OAT: variants seen among roughly 807,000 people sequenced by gnomAD.
OAT encodes ornithine aminotransferase, mitochondrial.
OAT carries 35 observed loss-of-function variants against 48.4 expected under a neutral mutation model. The observed-to-expected ratio is 0.72, with a 90% CI of 0.55 to 0.96. OAT has a LOEUF of 0.96. Ranked by LOEUF, OAT falls within the 40% of genes least tolerant of loss-of-function variation. OAT has a pLI of 0.00. For missense variants in OAT, 438 were observed against 537.9 expected (o/e 0.81, Z 1.84); for synonymous variants, 182 against 198.4 (o/e 0.92, Z 0.70).
At chr10:124,414,633 C>A (rs12252640) in intron 1 of OAT, among the ~76,000 whole-genome samples, 1 of 152,306 alleles carries the variant, frequency 6.6e-6, no homozygotes, top group Admixed American at 6.5e-5. Context: ...ACTGCTAAGT[C>A]TAAAACACTC....
chr10:124,402,963 G>A lies in OAT; in HGVS notation c.864C>T (p.Val288=). Residue 288 remains valine (V), a synonymous_variant, in exon 7 of 10, where the codon GTC becomes GTT. Transcript: ENST00000368845. ...VDYENVRPDI[V]LLGKALSGGL... is the part of the protein sequence containing the mutation. ...CCCCAGAAAGGGCCTTTCCAAGGAG[G>A]ACTATATCAGGTCTGACATTTTCAT... 1.2e-6 allele frequency: 2 copies of A among 1,614,106 alleles called. No homozygotes were observed. Among genetic ancestry groups the A allele is most frequent in the Non-Finnish European group, 1.7e-6 (2 of 1,179,990 alleles).
At chr10:124,416,242 A>G (rs968483616) in intron 1 of OAT, among the ~76,000 whole-genome samples, 1 of 152,152 alleles carries the variant, frequency 6.6e-6, no homozygotes, top group African/African-American at 2.4e-5. Context: ...TTGCATTCCT[A>G]GAACCTAGCC....
chr10:124,403,566 A>G (rs906052759), intron 6 of OAT, among the ~76,000 whole-genome samples: 2 of 152,240 alleles, frequency 1.3e-5, no homozygotes, highest in Non-Finnish European at 2.9e-5. Context: ...AGTTCTGCAC[A>G]GGGCCCAGGA....
chr10:124,402,303 CT>C (rs1416399053), intron 7 of OAT, among the ~76,000 whole-genome samples: 1 of 152,168 alleles, frequency 6.6e-6, no homozygotes, highest in Non-Finnish European at 1.5e-5. Context: ...ATTACAAATA[CT>C]TTAGGTACAC....
At position 124,403,369 on chromosome 10, in the gene OAT, C is replaced by G. The variant is rs2240881; in HGVS notation, c.772-314G>C. ...TCTGGACCTAACTACCCTCTGGGAA[C>G]AAATTAATTCATTTGTTTATTCCAC... On this transcript the variant is annotated intron_variant, in intron 6 of 9. Coordinates refer to ENST00000368845, the MANE Select transcript of OAT (RefSeq NM_000274.4). The G allele has an allele frequency of 0.75, 349,543 of 465,854 alleles. 132,212 individuals carry two copies. The highest frequency in any genetic ancestry group is 0.88 in the East Asian group (20,564 of 23,258). The allele number at this position is 465,854 out of a possible 1,614,324, so 28.9% of individuals were successfully genotyped here.
At chr10:124,408,331 ATATATATATATAT>A (rs1217161289) in intron 4 of OAT, among the ~76,000 whole-genome samples, 198 bp downstream of exon 4, 27 of 92,120 alleles carry the variant, frequency 2.9e-4, no homozygotes, top group African/African-American at 9.4e-4. Flanking sequence ...ATATATATAT[ATATATATATATAT>A]TTTTTTTTTT....
rs1288543386 is a variant in OAT, at chr10:124,408,337, ATATATATT to A, written c.520+197_520+204del. ...TGTGTGTATATATATATATATATAT[ATATATATT>A]TTTTTTTTTTTTTTTTAAATAGAGA... is the stretch of plus-strand genomic sequence containing the variant. On this transcript the variant is annotated intron_variant, in intron 4 of 9. Transcript: ENST00000368845. Among the ~76,000 whole-genome samples, 359 of 103,452 alleles carry A rather than the reference ATATATATT, an allele frequency of 3.5e-3. 1 individual carries two copies. Among genetic ancestry groups the A allele is most frequent in the African/African-American group, 0.01 (309 of 29,632 alleles). The allele number at this position is 103,452 out of a possible 152,430, so 67.9% of individuals were successfully genotyped here.
chr10:124,406,215 G>T, intron 4 of OAT: 2 of 734,674 alleles, frequency 2.7e-6, no homozygotes, highest in Non-Finnish European at 3.3e-6. Context: ...AATAGACCAG[G>T]CACAGTGGCT....
chr10:124,417,348 G>T (rs1262111313), intron 1 of OAT, among the ~76,000 whole-genome samples: 1 of 133,968 alleles, frequency 7.5e-6, no homozygotes, highest in Admixed American at 8.5e-5. Context: ...GCAGTGGCAC[G>T]ATCTCAACTC....
intron 4 of OAT, among the ~76,000 whole-genome samples, chr10:124,406,346 C>T (rs1260473175): frequency 6.6e-6 from 1 of 151,576 alleles, no homozygotes; most frequent in Non-Finnish European, 1.5e-5. Flanking sequence ...CAAAAATTAG[C>T]CAGGCATGGT....
chr10:124,397,666 G>A lies in OAT; in HGVS notation c.*276C>T, dbSNP rs1301802150. 11 of 395,042 alleles carry A rather than the reference G, an allele frequency of 2.8e-5. No individual in the cohort carries two copies. The East Asian group carries it at 5.8e-4, about 21-fold the overall frequency. The allele number at this position is 395,042 out of a possible 1,614,324, so 24.5% of individuals were successfully genotyped here. On this transcript the variant is annotated 3_prime_UTR_variant, in exon 10 of 10. Transcript: ENST00000368845. Reference sequence around the variant, plus strand: ...TACTGAAGGACTTGATTTAGAGGCTGTCTGTATATAGATGCATTTCACCTT... The same window carrying A: ...TACTGAAGGACTTGATTTAGAGGCTATCTGTATATAGATGCATTTCACCTT...
intron 1 of OAT, among the ~76,000 whole-genome samples, chr10:124,414,660 T>C (rs970301611): frequency 7.2e-5 from 11 of 152,226 alleles, no homozygotes; most frequent in Non-Finnish European, 1.5e-4. Context: ...GATTTCTTTC[T>C]TGGACTCTTT....
intron 6 of OAT, 141 bp downstream of exon 6, chr10:124,403,657 G>T: frequency 1.7e-6 from 2 of 1,185,054 alleles, no homozygotes; most frequent in Non-Finnish European, 2.4e-6. Flanking sequence ...GAATGCCATC[G>T]CCCTCTAGTG....
chr10:124,415,211 T>C (rs1951884889), intron 1 of OAT: 1 of 151,270 alleles, frequency 6.6e-6, no homozygotes, highest in Admixed American at 6.6e-5. Context: ...TTCATTTACC[T>C]GTTAAGTTTA....
chr10:124,413,267 TACACACACACACACACACAC>T (rs58272470), intron 1 of OAT, among the ~76,000 whole-genome samples: 2 of 134,578 alleles, frequency 1.5e-5, no homozygotes, highest in Non-Finnish European at 3.2e-5. Context: ...CATAAATACA[TACACACACACACACACACAC>T]ACACACACAC....
intron 5 of OAT, among the ~76,000 whole-genome samples, chr10:124,404,300 C>A (rs1428966341): frequency 6.6e-6 from 1 of 150,378 alleles, no homozygotes; most frequent in Admixed American, 6.6e-5. Context: ...TGGAGTCTCA[C>A]TCTGTCACCC....
In OAT at chr10:124,406,947, G is replaced by A. The variant is rs944709416; in HGVS notation, c.521-1384C>T. ...TGAGCTAGATAATTTCAGAGAGGAT[G>A]ACATTCAAGAAGGAAAGACACCATG... is the stretch of plus-strand genomic sequence containing the variant. On this transcript the variant is annotated intron_variant, in intron 4 of 9. Transcript: ENST00000368845. 4.4e-5 allele frequency: 43 copies of A among 984,998 alleles called. No homozygotes were observed. The Middle Eastern group carries it at 2.6e-3, about 60-fold the overall frequency. The allele number at this position is 984,998 out of a possible 1,614,324, so 61.0% of individuals were successfully genotyped here. A position where few individuals can be genotyped will look rare whatever the true frequency, so the allele number is the denominator to read the frequency against.
chr10:124,413,239 C>T (rs554011269), intron 1 of OAT, among the ~76,000 whole-genome samples: 20 of 150,440 alleles, frequency 1.3e-4, no homozygotes, highest in Non-Finnish European at 2.2e-4. Context: ...TTGAATTAGA[C>T]CAACATATAC....
intron 4 of OAT, among the ~76,000 whole-genome samples, chr10:124,408,050 G>T (rs1434980741): frequency 6.6e-6 from 1 of 151,724 alleles, no homozygotes; most frequent in African/African-American, 2.4e-5. Flanking sequence ...TAATTAACTG[G>T]ATAACTGCTA....
Sources: allele counts gnomAD v4.1 joint callset (sites outside exome capture counted in the v4.1 genomes callset), GRCh38; gene constraint gnomAD v4.1.1; transcripts MANE v1.5; gene names NCBI Gene and HGNC (gene_info 2026-07-23, HGNC 2026-07-21).